The following RAB11FIP4 variants were observed in gnomAD, a reference collection of about 807,000 sequenced individuals.
RAB11FIP4 encodes RAB11 family interacting protein 4, also known as rab11 family-interacting protein 4.
In RAB11FIP4, 23 loss-of-function variants were observed where a neutral mutation model predicts 74.3. The observed-to-expected ratio is 0.31, with a 90% CI of 0.22 to 0.44. The LOEUF (loss-of-function observed/expected upper bound fraction) is 0.44, where lower values mean the gene tolerates loss of function less well. Ranked by LOEUF, RAB11FIP4 falls within the 20% of genes least tolerant of loss-of-function variation. RAB11FIP4 has a pLI of 1.00. For synonymous variants in RAB11FIP4, 360 were observed against 359.9 expected, an observed-to-expected ratio of 1.00 and a Z score of 0.00; for missense variants, 630 against 863.9, an observed-to-expected ratio of 0.73 and a Z score of 3.39.
intron 3 of RAB11FIP4, among the ~76,000 whole-genome samples, chr17:31,473,673 T>G (rs567264757): frequency 2.0e-5 from 3 of 152,318 alleles, no homozygotes; most frequent in South Asian, 4.1e-4. Context: ...ACTGCTGATG[T>G]AGGTGGAGGA....
intron 3 of RAB11FIP4, among the ~76,000 whole-genome samples, chr17:31,466,671 A>T (rs1166668487): frequency 6.6e-6 from 1 of 152,158 alleles, no homozygotes; most frequent in East Asian, 1.9e-4. Flanking sequence ...GCTTGGCAGA[A>T]AAAGACCCTC....
At position 31,442,067 on chromosome 17, in the gene RAB11FIP4, C is replaced by T. The variant is rs546290969; in HGVS notation, c.336+7945C>T. The stretch of plus-strand genomic sequence containing the variant: ...AGGCTGGAGTGCAGTGGTGCAATCT[C>T]GGCTCACCGCAAGCTCCGCCTCCTG... On this transcript the variant is annotated intron_variant, in intron 3 of 14. Coordinates refer to ENST00000621161, the MANE Select transcript of RAB11FIP4 (RefSeq NM_032932.6). Among the ~76,000 whole-genome samples the T allele has an allele frequency of 2.0e-4, 30 of 151,762 alleles. 1 individual carries two copies. In the South Asian group the frequency reaches 6.0e-3, roughly 30 times the overall value.
chr17:31,425,588 A>G (rs1465262189), intron 1 of RAB11FIP4, among the ~76,000 whole-genome samples: 3 of 152,200 alleles, frequency 2.0e-5, no homozygotes, highest in African/African-American at 4.8e-5. Flanking sequence ...AGTGGGGGGA[A>G]AAAATCAGCT....
chr17:31,494,472 A>C (rs1001132235), intron 3 of RAB11FIP4, among the ~76,000 whole-genome samples: 2 of 151,998 alleles, frequency 1.3e-5, no homozygotes, highest in Non-Finnish European at 2.9e-5. Context: ...GATTGTTGTG[A>C]CTAATAACCT....
chr17:31,455,641 G>GAAGCGGAGCATCCTC (rs6146030), intron 3 of RAB11FIP4, among the ~76,000 whole-genome samples: 90,394 of 151,942 alleles, frequency 0.59, 28,042 homozygotes, highest in African/African-American at 0.77. Flanking sequence ...CAGGGAGTGG[G>GAAGCGGAGCATCCTC]TCTGCTCTGA....
chr17:31,457,481 A>G (rs1363708042), intron 3 of RAB11FIP4, among the ~76,000 whole-genome samples: 2 of 151,750 alleles, frequency 1.3e-5, no homozygotes, highest in African/African-American at 2.4e-5. Context: ...AGCACTATCC[A>G]TTCCCTCTCT....
intron 3 of RAB11FIP4, among the ~76,000 whole-genome samples, chr17:31,486,444 T>G (rs62063861): frequency 0.2 from 29,919 of 151,944 alleles, 3,025 homozygotes; most frequent in South Asian, 0.3. Flanking sequence ...GGGGTCTTGC[T>G]GTGTTGTCCA....
At chr17:31,442,243 C>A (rs1325480179) in intron 3 of RAB11FIP4, among the ~76,000 whole-genome samples, 1 of 152,152 alleles carries the variant, frequency 6.6e-6, no homozygotes, top group Admixed American at 6.5e-5. Context: ...TCGTGATCCA[C>A]CTGCCTCGGC....
At chr17:31,409,204 T>C (rs73988052) in intron 1 of RAB11FIP4, among the ~76,000 whole-genome samples, 2,240 of 152,222 alleles carry the variant, frequency 0.015, 55 homozygotes, top group African/African-American at 0.05. Context: ...GGAGAGACAG[T>C]AGCTTCCTAC....
chr17:31,528,186 G>A (rs1385251787), intron 11 of RAB11FIP4, among the ~76,000 whole-genome samples: 1 of 152,232 alleles, frequency 6.6e-6, no homozygotes, highest in East Asian at 1.9e-4. Flanking sequence ...ATCTAGCATC[G>A]TTGAAGGACT....
In RAB11FIP4 at chr17:31,462,787, C is replaced by G. The variant is rs139457419; in HGVS notation, c.336+28665C>G. On this transcript the variant is annotated intron_variant, in intron 3 of 14. Transcript: ENST00000621161. ...AAGTAGCTGGGATTATATGTGCGTG[C>G]CACCACGTCTGGCTAATTTTTGTAT... Among the ~76,000 whole-genome samples, 34 of 152,272 alleles carry G rather than the reference C, an allele frequency of 2.2e-4. 1 individual carries two copies. The East Asian group carries it at 5.6e-3, about 25-fold the overall frequency.
intron 1 of RAB11FIP4, among the ~76,000 whole-genome samples, chr17:31,418,541 G>A (rs1567648865): frequency 3.0e-5 from 4 of 133,828 alleles, no homozygotes. Flanking sequence ...ACAGTTCACT[G>A]CAGCCTTGAC....
chr17:31,501,567 TG>T (rs752843919), intron 3 of RAB11FIP4, among the ~76,000 whole-genome samples: 1 of 152,246 alleles, frequency 6.6e-6, no homozygotes, highest in South Asian at 2.1e-4. Context: ...CTGGCTCTGT[TG>T]CCCAGGATGG....
intron 3 of RAB11FIP4, among the ~76,000 whole-genome samples, chr17:31,450,170 A>C (rs1021393906): frequency 2.0e-5 from 3 of 152,002 alleles, no homozygotes; most frequent in African/African-American, 7.2e-5. Flanking sequence ...CTCAGCCTCT[A>C]GTGTCCTCTG....
rs1214044133 is a variant in RAB11FIP4, at chr17:31,431,800, T to C, written c.160-13T>C. ...TTGGGTGTCTCACACCTGTCCCTGC[T>C]TCATTCCCACAGGTGGAAAAACTTG... is the stretch of plus-strand genomic sequence containing the variant. On this transcript the variant is annotated splice_polypyrimidine_tract_variant and intron_variant, in intron 1 of 14. Coordinates refer to ENST00000621161, the MANE Select transcript of RAB11FIP4 (RefSeq NM_032932.6). 6.4e-7 allele frequency: 1 copy of C among 1,551,512 alleles called. No homozygotes were observed. The highest frequency in any genetic ancestry group is 8.8e-7 in the Non-Finnish European group (1 of 1,137,982).
intron 1 of RAB11FIP4, among the ~76,000 whole-genome samples, chr17:31,406,780 G>A (rs912882470): frequency 6.6e-6 from 1 of 152,022 alleles, no homozygotes; most frequent in Non-Finnish European, 1.5e-5. Context: ...TGTTTGTCAT[G>A]CCATTTTTTC....
intron 3 of RAB11FIP4, among the ~76,000 whole-genome samples, chr17:31,452,460 T>G (rs1450269158): frequency 2.0e-5 from 3 of 152,160 alleles, no homozygotes; most frequent in Non-Finnish European, 4.4e-5. Flanking sequence ...CTGGGCTCTC[T>G]CGCTTTCCTG....
In RAB11FIP4 at chr17:31,439,135, G is replaced by A. The variant is rs138487985; in HGVS notation, c.336+5013G>A. Among the ~76,000 whole-genome samples, 826 of 152,246 alleles carry A rather than the reference G, an allele frequency of 5.4e-3. 7 individuals are homozygous for A. Among genetic ancestry groups the A allele is most frequent in the Middle Eastern group, 0.02 (6 of 294 alleles). On this transcript the variant is annotated intron_variant, in intron 3 of 14. Transcript: ENST00000621161. ...CCAGTGGCTTCAGGGCTCAGGCTGA[G>A]CTCCTCCTTTTCACCCCCAGGACAG...
At chr17:31,423,981 G>C (rs8064763) in intron 1 of RAB11FIP4, among the ~76,000 whole-genome samples, 41 of 151,942 alleles carry the variant, frequency 2.7e-4, no homozygotes, top group Non-Finnish European at 4.7e-4. Flanking sequence ...TAGGGAGGGG[G>C]CTGGGAGAGA....
Sources: allele counts gnomAD v4.1 joint callset (sites outside exome capture counted in the v4.1 genomes callset), GRCh38; gene constraint gnomAD v4.1.1; transcripts MANE v1.5; gene names NCBI Gene and HGNC (gene_info 2026-07-23, HGNC 2026-07-21).